SHC3: variants seen among roughly 807,000 people sequenced by gnomAD.
SHC3 encodes SHC adaptor protein 3.
In SHC3, 15 loss-of-function variants were observed where a neutral mutation model predicts 60.4. That is an observed-to-expected ratio of 0.25 (90% CI 0.17 to 0.38). The LOEUF is 0.38. SHC3 is among the 10% of genes least tolerant of loss of function. The probability of loss-of-function intolerance (pLI) is 1.00; values close to 1 mark genes in which losing one functional copy is unlikely to be tolerated. For missense variants in SHC3, 677 were observed against 786.1 expected, an observed-to-expected ratio of 0.86 and a Z score of 1.66; for synonymous variants, 294 against 325.9, an observed-to-expected ratio of 0.90 and a Z score of 1.05.
intron 1 of SHC3, among the ~76,000 whole-genome samples, chr9:89,144,914 T>C (rs540277330): frequency 1.1e-4 from 17 of 152,212 alleles, no homozygotes; most frequent in Middle Eastern, 6.8e-3. Context: ...GGCGAGGATA[T>C]ATCCTTTCTT....
chr9:89,027,977 C>T (rs1826349319), intron 11 of SHC3, among the ~76,000 whole-genome samples: 1 of 152,176 alleles, frequency 6.6e-6, no homozygotes, highest in Non-Finnish European at 1.5e-5. Context: ...TAGCATTTTG[C>T]CTTTGGGGAA....
At chr9:89,039,475 C>T (rs12341224) in intron 10 of SHC3, among the ~76,000 whole-genome samples, 23,232 of 152,048 alleles carry the variant, frequency 0.15, 3,410 homozygotes, top group African/African-American at 0.39. Context: ...TTCCTGATTA[C>T]CTGGAATTGT....
intron 1 of SHC3, among the ~76,000 whole-genome samples, chr9:89,152,552 C>G: frequency 6.6e-6 from 1 of 152,220 alleles, no homozygotes; most frequent in South Asian, 2.1e-4. Context: ...TGTGCAATCG[C>G]ACCTTCTCAC....
At chr9:89,136,061 C>T (rs1276447715) in intron 1 of SHC3, among the ~76,000 whole-genome samples, 2 of 152,142 alleles carry the variant, frequency 1.3e-5, no homozygotes, top group Non-Finnish European at 2.9e-5. Context: ...GAATGACCCT[C>T]ACCAAACTGA....
At chr9:89,140,878 C>CT (rs998231904) in intron 1 of SHC3, among the ~76,000 whole-genome samples, 2 of 151,954 alleles carry the variant, frequency 1.3e-5, no homozygotes, top group African/African-American at 4.8e-5. Context: ...AGGAGAAAAA[C>CT]TTTTTTCAGA....
intron 11 of SHC3, among the ~76,000 whole-genome samples, chr9:89,034,122 A>G (rs2117858426): frequency 6.6e-6 from 1 of 152,352 alleles, no homozygotes; most frequent in Non-Finnish European, 1.5e-5. Flanking sequence ...AATTCTCCAT[A>G]TTAACAATTT....
chr9:89,149,862 G>C (rs574274962), intron 1 of SHC3, among the ~76,000 whole-genome samples: 1 of 152,252 alleles, frequency 6.6e-6, no homozygotes, highest in African/African-American at 2.4e-5. Flanking sequence ...ACACTCTTCT[G>C]ATCAGCATGA....
At chr9:89,082,904 T>C (rs116697827) in intron 2 of SHC3, among the ~76,000 whole-genome samples, 2,089 of 152,324 alleles carry the variant, frequency 0.014, 20 homozygotes, top group South Asian at 0.034. Context: ...ATTTTATAGA[T>C]AGATACCACA....
At chr9:89,137,445 C>CA (rs1826334814) in intron 1 of SHC3, among the ~76,000 whole-genome samples, 1 of 152,014 alleles carries the variant, frequency 6.6e-6, no homozygotes, top group African/African-American at 2.4e-5. Flanking sequence ...TTAGGACATC[C>CA]AAAAAATCCC....
chr9:89,095,451 G>A (rs945624695), intron 2 of SHC3, among the ~76,000 whole-genome samples: 6 of 152,142 alleles, frequency 3.9e-5, no homozygotes, highest in African/African-American at 9.7e-5. Context: ...GGATCGGGAC[G>A]GGGAGGGGGA....
rs1355389148 is a variant in SHC3 at position 89,012,507 on chromosome 9, C to G, written c.*940G>C. 1 of 152,294 alleles carries G rather than the reference C, an allele frequency of 6.6e-6. No individual in the cohort carries two copies. Among genetic ancestry groups the G allele is most frequent in the East Asian group, 1.9e-4 (1 of 5,182 alleles). 9.4% of individuals were successfully genotyped at this position (152,294 alleles called of 1,614,324 possible). A position where few individuals can be genotyped will look rare whatever the true frequency, so the allele number is the denominator to read the frequency against. On this transcript the variant is annotated 3_prime_UTR_variant, in exon 12 of 12. Coordinates refer to ENST00000375835, the MANE Select transcript of SHC3 (RefSeq NM_016848.6). Reference sequence around the variant, plus strand: ...TGCTCTTGCTGTCACACAGGCTTCTCCCCTATTGTATAAGGCGGGCGGGGG... The same window carrying G: ...TGCTCTTGCTGTCACACAGGCTTCTGCCCTATTGTATAAGGCGGGCGGGGG...
chr9:89,140,325 G>T (rs1417966106), intron 1 of SHC3, among the ~76,000 whole-genome samples: 1 of 151,660 alleles, frequency 6.6e-6, no homozygotes, highest in East Asian at 1.9e-4. Context: ...CAGCTGGAAG[G>T]CAAACAGATT....
intron 1 of SHC3, among the ~76,000 whole-genome samples, chr9:89,114,235 C>T (rs1461501471): frequency 6.6e-6 from 1 of 152,134 alleles, no homozygotes; most frequent in Non-Finnish European, 1.5e-5. Context: ...AACACTACCA[C>T]TATCATTGTG....
intron 1 of SHC3, among the ~76,000 whole-genome samples, chr9:89,133,444 A>C (rs1826277696): frequency 6.6e-6 from 1 of 152,228 alleles, no homozygotes; most frequent in Admixed American, 6.5e-5. Flanking sequence ...TCATGCTGCT[A>C]TAAAGACATA....
intron 1 of SHC3, among the ~76,000 whole-genome samples, chr9:89,120,640 T>C (rs1189391264): frequency 1.3e-5 from 2 of 152,222 alleles, no homozygotes; most frequent in Non-Finnish European, 2.9e-5. Flanking sequence ...ATATACAAGA[T>C]GCACTTGCCC....
rs1825949333 is a variant in SHC3 at position 89,007,041 on chromosome 9, T to C, written c.*6406A>G. The C allele has an allele frequency of 6.6e-6, 1 of 152,204 alleles. No individual in the cohort carries two copies. The highest frequency in any genetic ancestry group is 1.5e-5 in the Non-Finnish European group (1 of 68,032). The allele number at this position is 152,204 out of a possible 1,614,324, so 9.4% of individuals were successfully genotyped here. A position where few individuals can be genotyped will look rare whatever the true frequency, so the allele number is the denominator to read the frequency against. ...AATAGACACCTAAAATTGTATGAGA[T>C]TTTATTCCTGGTGCTTTTTCAGCGA... On this transcript the variant is annotated 3_prime_UTR_variant, in exon 12 of 12. Coordinates refer to ENST00000375835, the MANE Select transcript of SHC3 (RefSeq NM_016848.6).
At chr9:89,043,876 A>T (rs1030200132) in intron 9 of SHC3, among the ~76,000 whole-genome samples, 1 of 151,802 alleles carries the variant, frequency 6.6e-6, no homozygotes, top group African/African-American at 2.4e-5. Flanking sequence ...CTGGCATCGA[A>T]CTCCTGACCT....
At chr9:89,175,396 T>G (rs1327992019) in intron 1 of SHC3, among the ~76,000 whole-genome samples, 1 of 152,238 alleles carries the variant, frequency 6.6e-6, no homozygotes, top group East Asian at 1.9e-4. Flanking sequence ...ATGTTTAAAT[T>G]TTAAGTCCTT....
chr9:89,177,584 G>A (rs1826959333), intron 1 of SHC3, among the ~76,000 whole-genome samples: 1 of 152,200 alleles, frequency 6.6e-6, no homozygotes, highest in African/African-American at 2.4e-5. Flanking sequence ...CCGCCACTCC[G>A]TGCATCTCTC....
Sources: gnomAD v4.1 joint callset for allele counts (sites outside exome capture counted in the v4.1 genomes callset) on GRCh38, gnomAD v4.1.1 for gene constraint, MANE v1.5 for transcripts, NCBI Gene and HGNC (gene_info 2026-07-23, HGNC 2026-07-21) for gene names.